SLC44A1: variants seen among roughly 807,000 people sequenced by gnomAD.
SLC44A1 encodes the protein choline transporter-like protein 1.
A neutral mutation model predicts 79.3 loss-of-function variants in SLC44A1; 26 were observed. That is an observed-to-expected ratio of 0.33 (90% confidence interval 0.24 to 0.46). SLC44A1 has a LOEUF of 0.46. Among genes scored for constraint, SLC44A1 ranks in the 20% least tolerant of loss-of-function variants. The pLI is 1.00. For missense variants in SLC44A1, 688 were observed against 798.1 expected (o/e 0.86, Z 1.66); for synonymous variants, 263 against 286.2 (o/e 0.92, Z 0.82).
At chr9:105,350,086 A>C (rs1269507297) in intron 5 of SLC44A1, among the ~76,000 whole-genome samples, 1 of 152,210 alleles carries the variant, frequency 6.6e-6, no homozygotes, top group Non-Finnish European at 1.5e-5. Context: ...TCATCATCTG[A>C]TATCTCACTA....
intron 15 of SLC44A1, among the ~76,000 whole-genome samples, chr9:105,403,775 A>T (rs1402740300): frequency 6.6e-6 from 1 of 150,902 alleles, no homozygotes; most frequent in African/African-American, 2.4e-5. Context: ...AGAGTGTTCC[A>T]AGGAGGAATA....
Position 105,394,339 on chromosome 9 carries a change from A to G in SLC44A1, c.*5283A>G. The G allele has an allele frequency of 2.0e-6, 2 of 985,262 alleles. No homozygotes were observed. Among genetic ancestry groups the G allele is most frequent in the Non-Finnish European group, 2.4e-6 (2 of 829,924 alleles). 61.0% of individuals were successfully genotyped at this position (985,262 alleles called of 1,614,324 possible). A position where few individuals can be genotyped will look rare whatever the true frequency, so the allele number is the denominator to read the frequency against. ...AGGTTAGGGAATAGAAACCACACTA[A>G]TCTGAAGGAATAACAAGATGATCAA... On this transcript the variant is annotated 3_prime_UTR_variant, in exon 16 of 16. Coordinates refer to ENST00000374720, the MANE Select transcript of SLC44A1 (RefSeq NM_080546.5).
chr9:105,271,546 G>A (rs1266420636), intron 1 of SLC44A1, among the ~76,000 whole-genome samples: 1 of 152,196 alleles, frequency 6.6e-6, no homozygotes, highest in Non-Finnish European at 1.5e-5. Context: ...TGGCAAAAGT[G>A]GTTTGGGATG....
intron 1 of SLC44A1, among the ~76,000 whole-genome samples, chr9:105,293,913 A>G (rs1830660206): frequency 6.6e-6 from 1 of 152,224 alleles, no homozygotes; most frequent in Non-Finnish European, 1.5e-5. Flanking sequence ...TAGTAGTACT[A>G]TGACTTCTCT....
chr9:105,386,119 G>A (rs1448115187), intron 15 of SLC44A1: 2 of 983,354 alleles, frequency 2.0e-6, no homozygotes, highest in Non-Finnish European at 2.4e-6. Context: ...TTAATTGTGA[G>A]ATGGATAAAT....
At chr9:105,385,288 C>T (rs371281758) in intron 14 of SLC44A1, 134 bp from the exon 15 acceptor site, 13 of 643,170 alleles carry the variant, frequency 2.0e-5, no homozygotes, top group Admixed American at 1.7e-4. Flanking sequence ...TGATACTAAA[C>T]ATTATTTATT....
At chr9:105,436,440 G>A (rs970555195) in intron 15 of SLC44A1, among the ~76,000 whole-genome samples, 3 of 152,094 alleles carry the variant, frequency 2.0e-5, no homozygotes, top group South Asian at 2.1e-4. Context: ...ATGGAGTAGC[G>A]TGTGGCATGG....
At chr9:105,244,936 C>A in intron 1 of SLC44A1, 32 bp downstream of exon 1, 1 of 1,136,892 alleles carries the variant, frequency 8.8e-7, no homozygotes, top group Non-Finnish European at 1.1e-6. Flanking sequence ...GCCGCCCGCC[C>A]GGATGCCTCC....
intron 15 of SLC44A1, among the ~76,000 whole-genome samples, chr9:105,419,166 G>A (rs980549168): frequency 6.6e-6 from 1 of 152,172 alleles, no homozygotes; most frequent in African/African-American, 2.4e-5. Flanking sequence ...AGAAAAAAAT[G>A]CGAGTTTGCA....
At chr9:105,275,253 C>T (rs1375881689) in intron 1 of SLC44A1, among the ~76,000 whole-genome samples, 2 of 152,130 alleles carry the variant, frequency 1.3e-5, no homozygotes, top group Non-Finnish European at 2.9e-5. Flanking sequence ...CAGATGGTAG[C>T]TTCAGCTTTG....
chr9:105,414,268 G>T (rs1163084522), intron 15 of SLC44A1, among the ~76,000 whole-genome samples: 1 of 151,986 alleles, frequency 6.6e-6, no homozygotes, highest in Non-Finnish European at 1.5e-5. Context: ...TGTTAGCCAG[G>T]ATGGTCTCTA....
At chr9:105,346,513 C>G (rs149614892) in intron 4 of SLC44A1, among the ~76,000 whole-genome samples, 76 of 152,194 alleles carry the variant, frequency 5.0e-4, no homozygotes, top group African/African-American at 1.8e-3. Context: ...CAATTCAGAT[C>G]AGGAAGTTGA....
At chr9:105,303,876 T>C (rs914302647) in intron 2 of SLC44A1, among the ~76,000 whole-genome samples, 1 of 152,166 alleles carries the variant, frequency 6.6e-6, no homozygotes, top group Non-Finnish European at 1.5e-5. Flanking sequence ...TTTAGTATGT[T>C]GTTAGGAAGC....
chr9:105,329,027 G>T (rs1008955443), intron 3 of SLC44A1, among the ~76,000 whole-genome samples: 3 of 152,088 alleles, frequency 2.0e-5, no homozygotes, highest in African/African-American at 7.2e-5. Context: ...CCCAACACCA[G>T]CCCCTCTGGA....
rs550493711 is a variant in SLC44A1, at chr9:105,393,262, T to C, written c.*4206T>C. The C allele has an allele frequency of 4.2e-5, 41 of 985,456 alleles. No homozygotes were observed. The South Asian group carries it at 7.0e-4, about 17-fold the overall frequency. 61.0% of individuals were successfully genotyped at this position (985,456 alleles called of 1,614,324 possible). A position where few individuals can be genotyped will look rare whatever the true frequency, so the allele number is the denominator to read the frequency against. Reference sequence around the variant, plus strand: ...AATGCATGTTAGCCCTTTTGAAAAGTAGGCACTATTCATACACAGTAGCTT... The same window carrying C: ...AATGCATGTTAGCCCTTTTGAAAAGCAGGCACTATTCATACACAGTAGCTT... On this transcript the variant is annotated 3_prime_UTR_variant, in exon 16 of 16. Transcript: ENST00000374720.
At chr9:105,360,865 G>C (rs1242032596) in intron 7 of SLC44A1, among the ~76,000 whole-genome samples, 2 of 152,112 alleles carry the variant, frequency 1.3e-5, no homozygotes, top group African/African-American at 2.4e-5. Flanking sequence ...AAATGCTGAG[G>C]CTCTTTCTTT....
At chr9:105,359,877 A>G (rs1827729131) in intron 7 of SLC44A1, among the ~76,000 whole-genome samples, 1 of 152,192 alleles carries the variant, frequency 6.6e-6, no homozygotes. Context: ...GTATTTGCCA[A>G]CAAATAGGTA....
In SLC44A1 at chr9:105,257,585, T is replaced by G. The variant is rs142653368; in HGVS notation, c.36+12681T>G. On this transcript the variant is annotated intron_variant, in intron 1 of 15. Coordinates refer to ENST00000374720, the MANE Select transcript of SLC44A1 (RefSeq NM_080546.5). The stretch of plus-strand genomic sequence containing the variant: ...GTGCAAAGAGAGAAACAAACATAAA[T>G]AATTAGAGGCTAAATTGGGTGGCAA... Among the ~76,000 whole-genome samples the G allele has an allele frequency of 4.6e-5, 7 of 152,220 alleles. No individual in the cohort carries two copies. The South Asian group carries it at 1.5e-3, about 32-fold the overall frequency.
Position 105,392,212 on chromosome 9 carries a change from G to A in SLC44A1, c.*3156G>A, listed in dbSNP as rs1828776870. On this transcript the variant is annotated 3_prime_UTR_variant, in exon 16 of 16. Coordinates refer to ENST00000374720, the MANE Select transcript of SLC44A1 (RefSeq NM_080546.5). Reference sequence around the variant, plus strand: ...TAAAGCATTTAATGCAATGGCTAATGTTTAGGATTAAAGTTTTTATTTTAT... The same window carrying A: ...TAAAGCATTTAATGCAATGGCTAATATTTAGGATTAAAGTTTTTATTTTAT... The A allele has an allele frequency of 3.0e-6, 3 of 984,066 alleles. No homozygotes were observed. The South Asian group carries it at 1.4e-4, about 46-fold the overall frequency. The allele number at this position is 984,066 out of a possible 1,614,324, so 61.0% of individuals were successfully genotyped here.
Sources: gnomAD v4.1 joint callset for allele counts (sites outside exome capture counted in the v4.1 genomes callset) on GRCh38, gnomAD v4.1.1 for gene constraint, MANE v1.5 for transcripts, NCBI Gene and HGNC (gene_info 2026-07-23, HGNC 2026-07-21) for gene names.